PEX5: variants seen among roughly 807,000 people sequenced by gnomAD.
The protein encoded by PEX5 is PTS1 receptor.
PEX5 carries 52 observed loss-of-function variants against 82.9 expected under a neutral mutation model. That is an observed-to-expected ratio of 0.63 (90% CI 0.50 to 0.79). The LOEUF is 0.79. Ranked by LOEUF, PEX5 falls within the 30% of genes least tolerant of loss-of-function variation. The pLI is 0.00. For missense variants in PEX5, 719 were observed against 815.2 expected (o/e 0.88, Z 1.44); for synonymous variants, 300 against 318.8 (o/e 0.94, Z 0.63).
At chr12:7,189,659 G>C (rs1940500869), upstream of PEX5, 1 of 347,986 alleles carries the variant, frequency 2.9e-6, no homozygotes, top group African/African-American at 2.2e-5. Context: ...CTTTAAGCCT[G>C]AGCCCCGCCC....
In PEX5 at chr12:7,202,669, G is replaced by A. The variant is rs145496484; in HGVS notation, c.811G>A (p.Asp271Asn). 1.4e-5 allele frequency: 23 copies of A among 1,614,150 alleles called. No homozygotes were observed. In the East Asian group the frequency reaches 4.0e-4, roughly 28 times the overall value. The change falls in exon 9 of 16, where the codon GAT becomes AAT. Residue 271 changes from aspartate (D) to asparagine (N), a missense_variant. Physicochemically the swap from Asp to Asn is conservative, Grantham distance 23 (BLOSUM62 1). Transcript: ENST00000675855. ...AAGACCAGTAAACACATCTGCCCTT[G>A]ATATGGAGTTTGAACGAGCCAAGTC... ...FTRPVNTSAL[D>N]MEFERAKSAI...
In PEX5 at chr12:7,202,256, C is replaced by T. The variant is rs200020561; in HGVS notation, c.658C>T (p.Arg220Trp). The T allele has an allele frequency of 6.6e-4, 1,063 of 1,614,022 alleles. 3 individuals are homozygous for T. Among genetic ancestry groups the T allele is most frequent in the Non-Finnish European group, 2.7e-4 (316 of 1,180,018 alleles). ...LANSEFLKFVRQIGEGQVSLE... is the reference protein window; with the variant it reads ...LANSEFLKFVWQIGEGQVSLE... ...TGTGCCCCAGTTCCTGAAATTCGTGCGGCAGATTGGCGAAGGGCAGGTGTC... is the reference window on the plus strand; with the variant it reads ...TGTGCCCCAGTTCCTGAAATTCGTGTGGCAGATTGGCGAAGGGCAGGTGTC... The change falls in exon 8 of 16, where the codon CGG becomes TGG. Residue 220 changes from arginine to tryptophan, a missense_variant. By Grantham distance (101) the Arg-to-Trp change is moderately radical. Transcript: ENST00000675855.
At chr12:7,217,696 G>A (rs1274558852) in intron 17 of PEX5, among the ~76,000 whole-genome samples, 1 of 152,262 alleles carries the variant, frequency 6.6e-6, no homozygotes, top group African/African-American at 2.4e-5. Context: ...GGGGCCGCCT[G>A]TCCCTGTGGA....
At chr12:7,208,940 A>G in intron 13 of PEX5, 65 bp from the exon 14 acceptor site, 4 of 1,400,984 alleles carry the variant, frequency 2.9e-6, no homozygotes, top group Non-Finnish European at 4.1e-6. Flanking sequence ...TGAAGAAATT[A>G]ATTTGGGGGG....
intron 5 of PEX5, among the ~76,000 whole-genome samples, chr12:7,198,791 T>C (rs1024768123): frequency 1.8e-4 from 27 of 152,228 alleles, no homozygotes; most frequent in African/African-American, 6.5e-4. Flanking sequence ...CAACTCTCAG[T>C]AAATTTCTGC....
chr12:7,214,781 T>C (rs900783407), downstream of PEX5, among the ~76,000 whole-genome samples: 1 of 152,124 alleles, frequency 6.6e-6, no homozygotes, highest in African/African-American at 2.4e-5. Context: ...TTCATGTTTT[T>C]ACATTAAAAA....
chr12:7,201,434 T>G (rs891536011), intron 6 of PEX5, among the ~76,000 whole-genome samples: 1 of 152,194 alleles, frequency 6.6e-6, no homozygotes, highest in Non-Finnish European at 1.5e-5. Context: ...TCAAGAATCC[T>G]AACTATCCTA....
chr12:7,190,093 C>G, intron 1 of PEX5: 4 of 1,490,560 alleles, frequency 2.7e-6, no homozygotes, highest in Non-Finnish European at 3.5e-6. Context: ...GTGGAGGCAG[C>G]TGCTGGCCCC....
At position 7,210,394 on chromosome 12, in the gene PEX5, A is replaced by ATAAT. The variant is rs976940918; in HGVS notation, c.*173_*176dup. 1.0e-5 allele frequency: 7 copies of ATAAT among 672,122 alleles called. No individual in the cohort carries two copies. The African/African-American group carries it at 1.2e-4, about 12-fold the overall frequency. The allele number at this position is 672,122 out of a possible 1,614,324, so 41.6% of individuals were successfully genotyped here. A position where few individuals can be genotyped will look rare whatever the true frequency, so the allele number is the denominator to read the frequency against. ...GGGTAGTCTGTGTTCTAGTTCCTACATAATTGTAGGAAAATGAGCTGTGTC... is the reference window on the plus strand; with the variant it reads ...GGGTAGTCTGTGTTCTAGTTCCTACATAATTAATTGTAGGAAAATGAGCTGTGTC... On this transcript the variant is annotated 3_prime_UTR_variant, in exon 16 of 16. Coordinates refer to ENST00000675855, the MANE Select transcript of PEX5 (RefSeq NM_001351132.2).
rs749390755 is a variant in PEX5 at position 7,207,806 on chromosome 12, A to AGT, written c.1110+6_1110+7dup. Reference sequence around the variant, plus strand: ...GCAGGATCCTAAGCACATGGAAGTGAGTGACTCCATAGTCTCATTTCTGGC... The same window carrying AGT: ...GCAGGATCCTAAGCACATGGAAGTGAGTGTGACTCCATAGTCTCATTTCTGGC... On this transcript the variant is annotated splice_donor_region_variant and intron_variant, in intron 11 of 15. Coordinates refer to ENST00000675855, the MANE Select transcript of PEX5 (RefSeq NM_001351132.2). The AGT allele has an allele frequency of 8.7e-6, 14 of 1,613,910 alleles. No homozygotes were observed. The East Asian group carries it at 3.1e-4, about 36-fold the overall frequency.
chr12:7,196,395 C>T (rs1409930241), intron 5 of PEX5, among the ~76,000 whole-genome samples: 1 of 135,284 alleles, frequency 7.4e-6, no homozygotes, highest in Non-Finnish European at 1.5e-5. Flanking sequence ...ATGTGTCATA[C>T]ATATATGTGT....
At chr12:7,197,490 TTATA>T (rs764826731) in intron 5 of PEX5, among the ~76,000 whole-genome samples, 11 of 143,358 alleles carry the variant, frequency 7.7e-5, no homozygotes, top group African/African-American at 2.1e-4. Flanking sequence ...AATATAATAA[TTATA>T]TATGTTATAT....
At chr12:7,214,487 GT>G (rs1945720703), downstream of PEX5, among the ~76,000 whole-genome samples, 1 of 146,580 alleles carries the variant, frequency 6.8e-6, no homozygotes, top group Admixed American at 7.0e-5. Flanking sequence ...AACACTGCAT[GT>G]TCTCACTCAT....
intron 1 of PEX5, 24 bp downstream of exon 1, chr12:7,189,774 C>T: frequency 4.6e-6 from 2 of 433,664 alleles, no homozygotes; most frequent in East Asian, 4.3e-5. Context: ...CCCGAGGGGG[C>T]CCGGGGCCGC....
At chr12:7,201,276 CACAT>C (rs71067166) in intron 6 of PEX5, among the ~76,000 whole-genome samples, 61,323 of 149,468 alleles carry the variant, frequency 0.41, 14,199 homozygotes, top group Admixed American at 0.59. Context: ...TGTATACACA[CACAT>C]AGACATACAT....
At chr12:7,201,296 CACACAT>C (rs10528084) in intron 6 of PEX5, among the ~76,000 whole-genome samples, 66,891 of 148,740 alleles carry the variant, frequency 0.45, 15,976 homozygotes, top group Admixed American at 0.62. Context: ...TACATGTATA[CACACAT>C]ACACATACAC....
At chr12:7,209,862 T>C in intron 15 of PEX5, 22 bp downstream of exon 15, 1 of 1,613,814 alleles carries the variant, frequency 6.2e-7, no homozygotes, top group Non-Finnish European at 8.5e-7. Context: ...TATTGAGAAA[T>C]GAATGAATGA....
chr12:7,190,292 C>A (rs893190386), intron 1 of PEX5, 70 bp from the exon 2 acceptor site: 24 of 1,596,910 alleles, frequency 1.5e-5, no homozygotes, highest in Middle Eastern at 3.8e-4. Context: ...TCCTCAGATA[C>A]GGGCAGAGTT....
chr12:7,197,479 TA>T (rs1408920100), intron 5 of PEX5, among the ~76,000 whole-genome samples: 1 of 142,188 alleles, frequency 7.0e-6, no homozygotes, highest in African/African-American at 2.7e-5. Context: ...ATGTTATATA[TA>T]ATATAATAAT....
Sources: gnomAD v4.1 joint callset for allele counts (sites outside exome capture counted in the v4.1 genomes callset) on GRCh38, gnomAD v4.1.1 for gene constraint, MANE v1.5 for transcripts, NCBI Gene and HGNC (gene_info 2026-07-23, HGNC 2026-07-21) for gene names.